The following TRMT9B variants were observed in gnomAD, a reference collection of about 807,000 sequenced individuals.
TRMT9B encodes the protein tRNA methyltransferase 9B (putative).
Under a neutral mutation model 11.5 loss-of-function variants are expected in TRMT9B, and 16 were observed. The observed-to-expected ratio is 1.39, with a 90% CI of 0.94 to 2.11. The LOEUF is 2.11. Ranked by LOEUF, TRMT9B falls within the 30% of genes most tolerant of loss-of-function variation. The pLI, the probability that TRMT9B is intolerant of heterozygous loss-of-function variation, is 0.00. For missense variants in TRMT9B, 941 were observed against 553.8 expected, an observed-to-expected ratio of 1.70 and a Z score of -7.02; for synonymous variants, 274 against 192.4, an observed-to-expected ratio of 1.42 and a Z score of -3.51.
intron 2 of TRMT9B, among the ~76,000 whole-genome samples, chr8:13,004,365 G>A (rs933522884): frequency 2.0e-5 from 3 of 151,712 alleles, no homozygotes; most frequent in Non-Finnish European, 4.4e-5. Context: ...GCACCACCCC[G>A]CTCCCAACCC....
At chr8:12,992,651 A>G (rs1807570397) in intron 2 of TRMT9B, among the ~76,000 whole-genome samples, 1 of 151,990 alleles carries the variant, frequency 6.6e-6, no homozygotes, top group Non-Finnish European at 1.5e-5. Flanking sequence ...CAGGAGTTTG[A>G]GACCAGCCTG....
At chr8:12,952,864 T>C (rs559005661) in intron 1 of TRMT9B, among the ~76,000 whole-genome samples, 1 of 152,288 alleles carries the variant, frequency 6.6e-6, no homozygotes, top group African/African-American at 2.4e-5. Context: ...GTCAGTCTTC[T>C]GAGTAGCTGG....
At chr8:12,962,707 T>C (rs899732707) in intron 1 of TRMT9B, among the ~76,000 whole-genome samples, 38 of 152,166 alleles carry the variant, frequency 2.5e-4, no homozygotes, top group African/African-American at 9.2e-4. Context: ...TCCAGGCTGG[T>C]CTGGAACTCC....
At chr8:12,969,172 A>G (rs190837747) in intron 1 of TRMT9B, among the ~76,000 whole-genome samples, 1 of 152,126 alleles carries the variant, frequency 6.6e-6, no homozygotes, top group Non-Finnish European at 1.5e-5. Context: ...GCGCCACTGC[A>G]CTCCAGCCTA....
At chr8:12,956,054 G>A (rs1363674685) in intron 1 of TRMT9B, among the ~76,000 whole-genome samples, 1 of 152,166 alleles carries the variant, frequency 6.6e-6, no homozygotes, top group Admixed American at 6.5e-5. Context: ...GAAAGCAAAT[G>A]TTTTCCTTAG....
intron 2 of TRMT9B, among the ~76,000 whole-genome samples, chr8:12,995,545 C>T (rs1462886866): frequency 6.6e-6 from 1 of 152,000 alleles, no homozygotes; most frequent in Non-Finnish European, 1.5e-5. Context: ...ATTAATTGCC[C>T]GTTTCTTCTC....
chr8:12,976,221 T>A (rs1804422430), intron 1 of TRMT9B, among the ~76,000 whole-genome samples: 1 of 152,136 alleles, frequency 6.6e-6, no homozygotes, highest in Non-Finnish European at 1.5e-5. Context: ...GGTCTATGTA[T>A]AACAAAGCCA....
intron 1 of TRMT9B, among the ~76,000 whole-genome samples, chr8:12,975,338 T>C: frequency 6.6e-6 from 1 of 152,208 alleles, no homozygotes; most frequent in East Asian, 1.9e-4. Flanking sequence ...TTGTTGATCA[T>C]GTAATTGTTG....
intron 2 of TRMT9B, among the ~76,000 whole-genome samples, chr8:13,000,860 A>G (rs1809301466): frequency 6.6e-6 from 1 of 152,230 alleles, no homozygotes. Context: ...CAAGTGAAGA[A>G]TATTTCAGGG....
chr8:12,973,427 T>A (rs1430000135), intron 1 of TRMT9B, among the ~76,000 whole-genome samples: 3 of 152,150 alleles, frequency 2.0e-5, no homozygotes, highest in African/African-American at 7.2e-5. Flanking sequence ...TCAGACACAG[T>A]GGTCTGGACC....
At chr8:13,010,217 C>A (rs1006506447) in intron 3 of TRMT9B, 6 of 857,588 alleles carry the variant, frequency 7.0e-6, no homozygotes, top group Non-Finnish European at 8.4e-6. Context: ...TAGTAAATAT[C>A]TTTTTGCCAA....
rs893555869 is a variant in TRMT9B at position 13,028,258 on chromosome 8, T to A, written c.*6214T>A. The A allele has an allele frequency of 6.0e-6, 1 of 167,106 alleles. No individual in the cohort carries two copies. Among genetic ancestry groups the A allele is most frequent in the Admixed American group, 6.5e-5 (1 of 15,278 alleles). 10.4% of individuals were successfully genotyped at this position (167,106 alleles called of 1,614,324 possible). On this transcript the variant is annotated 3_prime_UTR_variant, in exon 5 of 5. Transcript: ENST00000524591. ...GGGATTGGAGCTATAGAATAATCTATCTTACCAATCTGATGGACCATTTGT... is the reference window on the plus strand; with the variant it reads ...GGGATTGGAGCTATAGAATAATCTAACTTACCAATCTGATGGACCATTTGT...
At chr8:12,950,831 G>T (rs1800549942) in intron 1 of TRMT9B, among the ~76,000 whole-genome samples, 1 of 152,170 alleles carries the variant, frequency 6.6e-6, no homozygotes, top group African/African-American at 2.4e-5. Flanking sequence ...GAGACCTGTA[G>T]TTGGGTCCCC....
chr8:12,960,870 C>T (rs998989261), intron 1 of TRMT9B, among the ~76,000 whole-genome samples: 10 of 152,194 alleles, frequency 6.6e-5, no homozygotes, highest in African/African-American at 2.2e-4. Flanking sequence ...GGGCTGGGCG[C>T]GGTGGCTCAC....
intron 1 of TRMT9B, among the ~76,000 whole-genome samples, chr8:12,955,417 C>G (rs374654256): frequency 3.3e-5 from 5 of 152,054 alleles, no homozygotes; most frequent in Admixed American, 6.6e-5. Context: ...TGCCTTTCCC[C>G]GTTCCCTCCT....
At chr8:13,014,631 G>C (rs1032646027) in intron 4 of TRMT9B, among the ~76,000 whole-genome samples, 2 of 152,102 alleles carry the variant, frequency 1.3e-5, no homozygotes, top group Non-Finnish European at 2.9e-5. Context: ...TCGACATGTT[G>C]GTCTCAGAGG....
At chr8:12,985,836 G>T (rs1281707212) in intron 1 of TRMT9B, among the ~76,000 whole-genome samples, 1 of 151,826 alleles carries the variant, frequency 6.6e-6, no homozygotes, top group African/African-American at 2.4e-5. Context: ...TCCCTAATGG[G>T]CTATGTACTA....
rs768161321 is a variant in TRMT9B at position 13,006,286 on chromosome 8, G to C, written c.84G>C (p.Gln28His). ...ESTAPYFSDL[Q>H]SKAWPRVRQF... ...CAGCCCCTTACTTCAGCGACCTGCA[G>C]AGCAAAGCCTGGCCTCGTGTCCGCC... The change falls in exon 3 of 5, where the codon CAG becomes CAC. Residue 28 changes from glutamine (Q) to histidine (H), a missense_variant. By Grantham distance (24) the Gln-to-His change is conservative (BLOSUM62 0). Coordinates refer to ENST00000524591, the MANE Select transcript of TRMT9B (RefSeq NM_020844.3). 4.3e-6 allele frequency: 7 copies of C among 1,613,958 alleles called. No individual in the cohort carries two copies. Among genetic ancestry groups the C allele is most frequent in the Non-Finnish European group, 5.9e-6 (7 of 1,179,888 alleles).
chr8:13,003,246 G>A (rs903027435), intron 2 of TRMT9B, among the ~76,000 whole-genome samples: 1 of 152,148 alleles, frequency 6.6e-6, no homozygotes, highest in South Asian at 2.1e-4. Context: ...GTTCTTAAAT[G>A]ATTGAAAATA....
Sources: allele counts gnomAD v4.1 joint callset (sites outside exome capture counted in the v4.1 genomes callset), GRCh38; gene constraint gnomAD v4.1.1; transcripts MANE v1.5; gene names NCBI Gene and HGNC (gene_info 2026-07-23, HGNC 2026-07-21).